Variants in CDH18 observed in about 807,000 individuals in gnomAD.
The protein encoded by CDH18 is cadherin-18.
Under a neutral mutation model 67.9 loss-of-function variants are expected in CDH18, and 31 were observed. The ratio of observed to expected loss-of-function variants is 0.46; its 90% CI spans 0.34 to 0.62. The LOEUF (loss-of-function observed/expected upper bound fraction) is 0.62. Ranked by LOEUF, CDH18 falls within the 20% of genes least tolerant of loss-of-function variation. The pLI, the probability that CDH18 is intolerant of heterozygous loss-of-function variation, is 0.01. For missense variants in CDH18, 890 were observed against 975.5 expected (o/e 0.91, Z 1.17); for synonymous variants, 362 against 347.2 (o/e 1.04, Z -0.48).
intron 6 of CDH18, among the ~76,000 whole-genome samples, chr5:19,605,157 G>A (rs920591723): frequency 6.6e-5 from 10 of 151,638 alleles, no homozygotes; most frequent in East Asian, 1.9e-4. Context: ...AAAACAAACC[G>A]TAATACAATT....
intron 2 of CDH18, among the ~76,000 whole-genome samples, chr5:19,857,851 C>T (rs554596007): frequency 2.0e-5 from 3 of 152,172 alleles, no homozygotes; most frequent in Admixed American, 6.5e-5. Context: ...GTTATTTTCT[C>T]TGTTAAAGAA....
At chr5:19,734,441 T>C (rs1768030081) in intron 4 of CDH18, among the ~76,000 whole-genome samples, 1 of 152,194 alleles carries the variant, frequency 6.6e-6, no homozygotes, top group Admixed American at 6.5e-5. Context: ...GACGTTTTGG[T>C]TTACTGGAAG....
chr5:20,032,860 T>C (rs1739524386), intron 2 of CDH18, among the ~76,000 whole-genome samples: 1 of 151,950 alleles, frequency 6.6e-6, no homozygotes, highest in Non-Finnish European at 1.5e-5. Context: ...TTGCCCAGGG[T>C]CACATAACAC....
At chr5:19,967,601 G>T (rs1179700294) in intron 2 of CDH18, among the ~76,000 whole-genome samples, 2 of 152,034 alleles carry the variant, frequency 1.3e-5, no homozygotes, top group Non-Finnish European at 2.9e-5. Flanking sequence ...GTTGGTCTCA[G>T]AAAAATAGAA....
chr5:19,645,672 GT>G (rs1754634964), intron 5 of CDH18, among the ~76,000 whole-genome samples: 1 of 152,122 alleles, frequency 6.6e-6, no homozygotes. Flanking sequence ...TCTGGAATCA[GT>G]GCTGAATAAG....
intron 1 of CDH18, among the ~76,000 whole-genome samples, chr5:20,467,560 G>A (rs1464585693): frequency 6.6e-6 from 1 of 152,192 alleles, no homozygotes; most frequent in Admixed American, 6.5e-5. Context: ...TAAGGATAGA[G>A]AGAAGTGAGA....
At chr5:19,816,252 C>A (rs568076081) in intron 3 of CDH18, among the ~76,000 whole-genome samples, 21 of 151,808 alleles carry the variant, frequency 1.4e-4, no homozygotes, top group African/African-American at 5.1e-4. Flanking sequence ...TCAAATAGTG[C>A]AATGTGGACA....
At chr5:19,669,969 A>G (rs6894191) in intron 5 of CDH18, among the ~76,000 whole-genome samples, 1 of 151,924 alleles carries the variant, frequency 6.6e-6, no homozygotes, top group East Asian at 2.0e-4. Flanking sequence ...AACAAGTTCC[A>G]AAGCGATGCT....
intron 3 of CDH18, among the ~76,000 whole-genome samples, chr5:19,794,647 T>C (rs1305793364): frequency 6.6e-6 from 1 of 152,140 alleles, no homozygotes; most frequent in Non-Finnish European, 1.5e-5. Context: ...ATAACTGACC[T>C]ATAATGTGTG....
At chr5:20,111,721 T>G (rs1747496289) in intron 2 of CDH18, among the ~76,000 whole-genome samples, 1 of 151,740 alleles carries the variant, frequency 6.6e-6, no homozygotes, top group Non-Finnish European at 1.5e-5. Flanking sequence ...ATTTTTGTAT[T>G]TTTAGTAGAG....
At chr5:19,943,476 A>G (rs138770403) in intron 2 of CDH18, among the ~76,000 whole-genome samples, 82 of 152,288 alleles carry the variant, frequency 5.4e-4, no homozygotes, top group Non-Finnish European at 9.9e-4. Context: ...TCAAGATATG[A>G]AAGCCATTGC....
At chr5:19,544,806 CG>C (rs1736036331) in intron 8 of CDH18, among the ~76,000 whole-genome samples, 1 of 152,094 alleles carries the variant, frequency 6.6e-6, no homozygotes, top group Admixed American at 6.6e-5. Flanking sequence ...GGGAAACACA[CG>C]GGGCAAAGTT....
intron 2 of CDH18, among the ~76,000 whole-genome samples, chr5:20,034,359 T>A (rs2150458281): frequency 6.6e-6 from 1 of 152,174 alleles, no homozygotes; most frequent in Admixed American, 6.6e-5. Context: ...TTTATGCAAA[T>A]TCCCACTTAA....
intron 2 of CDH18, among the ~76,000 whole-genome samples, chr5:19,928,086 T>G (rs943114260): frequency 1.3e-5 from 2 of 152,160 alleles, no homozygotes; most frequent in African/African-American, 2.4e-5. Flanking sequence ...CCTGATTCAT[T>G]GTCATGGAGA....
chr5:20,176,495 T>C (rs1235551580), intron 2 of CDH18, among the ~76,000 whole-genome samples: 2 of 152,192 alleles, frequency 1.3e-5, no homozygotes, highest in Admixed American at 6.5e-5. Flanking sequence ...TTAGTTGTTA[T>C]AACCTTTGTA....
rs774273776 is a variant in CDH18 at position 19,483,422 on chromosome 5, C to T, written c.1761G>A (p.Arg587=). The T allele has an allele frequency of 1.2e-6, 2 of 1,614,024 alleles. No homozygotes were observed. Among genetic ancestry groups the T allele is most frequent in the Non-Finnish European group, 1.7e-6 (2 of 1,179,978 alleles). ...GCCCATCTCTCTCGCATGCACAAAC[C>T]CTGATGGTGAGGGTGCTGCTGCTGC... The part of the protein sequence containing the change: ...SLSSSSTLTI[R]VCACERDGRV... The change falls in exon 12 of 13, where the codon AGG becomes AGA. Residue 587 remains arginine (R), a synonymous_variant. Coordinates refer to ENST00000382275, the MANE Select transcript of CDH18 (RefSeq NM_004934.5).
intron 2 of CDH18, among the ~76,000 whole-genome samples, chr5:20,250,346 G>A (rs1252694595): frequency 6.6e-6 from 1 of 151,700 alleles, no homozygotes; most frequent in African/African-American, 2.4e-5. Context: ...AGGCTGGAGT[G>A]CAGCCGTGCG....
chr5:19,673,639 CTT>C (rs566659168), intron 5 of CDH18, among the ~76,000 whole-genome samples: 122 of 151,992 alleles, frequency 8.0e-4, no homozygotes, highest in African/African-American at 2.9e-3. Context: ...AATCAAGTAA[CTT>C]CAACCAGCTT....
intron 2 of CDH18, among the ~76,000 whole-genome samples, chr5:20,066,359 A>G (rs890302555): frequency 6.6e-6 from 1 of 152,094 alleles, no homozygotes; most frequent in Non-Finnish European, 1.5e-5. Flanking sequence ...GAATTACCTA[A>G]TAATCTCAAT....
Sources: allele counts gnomAD v4.1 joint callset (sites outside exome capture counted in the v4.1 genomes callset), GRCh38; gene constraint gnomAD v4.1.1; transcripts MANE v1.5; gene names NCBI Gene and HGNC (gene_info 2026-07-23, HGNC 2026-07-21).